The following ARHGAP15 variants were observed in gnomAD, a reference collection of about 807,000 sequenced individuals.
ARHGAP15 encodes Rho GTPase activating protein 15, also known as rho GTPase-activating protein 15.
A neutral mutation model predicts 63.7 loss-of-function variants in ARHGAP15; 51 were observed. The ratio of observed to expected loss-of-function variants is 0.80; its 90% confidence interval spans 0.64 to 1.01. ARHGAP15 has a LOEUF of 1.01. ARHGAP15 is among the 50% of genes least tolerant of loss of function. The pLI is 0.00. For synonymous variants in ARHGAP15, 191 were observed against 193.8 expected (o/e 0.99, Z 0.12); for missense variants, 560 against 564.6 (o/e 0.99, Z 0.08).
chr2:143,717,927 GT>G (rs2105455768), intron 13 of ARHGAP15, among the ~76,000 whole-genome samples: 1 of 147,530 alleles, frequency 6.8e-6, no homozygotes, highest in East Asian at 2.1e-4. Context: ...ATGGATAATT[GT>G]TAAGAACACA....
chr2:143,629,031 A>T (rs1396756988), intron 12 of ARHGAP15, among the ~76,000 whole-genome samples: 1 of 152,178 alleles, frequency 6.6e-6, no homozygotes, highest in African/African-American at 2.4e-5. Context: ...AATACTTTGC[A>T]TCTGAGGAGA....
chr2:143,466,845 C>T (rs1279162429), intron 8 of ARHGAP15, among the ~76,000 whole-genome samples: 1 of 151,948 alleles, frequency 6.6e-6, no homozygotes, highest in Non-Finnish European at 1.5e-5. Flanking sequence ...GAAACAACAC[C>T]CATTACAATT....
intron 8 of ARHGAP15, among the ~76,000 whole-genome samples, chr2:143,445,153 A>ATT (rs10671306): frequency 0.59 from 43,913 of 74,644 alleles, 14,323 homozygotes; most frequent in South Asian, 0.69. Context: ...AAGAACAATT[A>ATT]TTTTTTTTTT....
At chr2:143,141,921 GAT>G (rs1306096660) in intron 1 of ARHGAP15, among the ~76,000 whole-genome samples, 1 of 152,056 alleles carries the variant, frequency 6.6e-6, no homozygotes, top group Admixed American at 6.6e-5. Flanking sequence ...ATCTATACAA[GAT>G]AAGTGGGTAG....
chr2:143,202,087 T>C, intron 2 of ARHGAP15, 47 bp from the exon 3 acceptor site: 1 of 1,476,922 alleles, frequency 6.8e-7, no homozygotes, highest in Non-Finnish European at 9.5e-7. Context: ...TACTAAACTC[T>C]ATCAAGAAAA....
In ARHGAP15 at chr2:143,619,364, T is replaced by TTG. The variant is rs559472362; in HGVS notation, c.1004-4757_1004-4756dup. ...ACCTTGTTTGGGTACAACATTTAGG[T>TTG]TGTGTGTGTGTGTATGTGTGTGTGA... On this transcript the variant is annotated intron_variant, in intron 11 of 13. Transcript: ENST00000295095. Among the ~76,000 whole-genome samples the TTG allele has an allele frequency of 1.8e-4, 27 of 151,860 alleles. No homozygotes were observed. In the East Asian group the frequency reaches 2.1e-3, roughly 12 times the overall value.
rs1040785684 is a variant in ARHGAP15, at chr2:143,326,022, G to A, written c.474+75422G>A. On this transcript the variant is annotated intron_variant, in intron 6 of 13. Transcript: ENST00000295095. ...GTAAATTATAGGGTCTCAGTTGAAA[G>A]GCTAATTTTATTATTTGCTGTATTT... 2.0e-5 allele frequency among the ~76,000 whole-genome samples: 3 copies of A among 152,032 alleles called. No homozygotes were observed. In the East Asian group the frequency reaches 5.8e-4, roughly 29 times the overall value.
intron 6 of ARHGAP15, among the ~76,000 whole-genome samples, chr2:143,398,713 CTTTAGA>C (rs753415138): frequency 1.5e-4 from 23 of 152,052 alleles, no homozygotes; most frequent in Non-Finnish European, 2.2e-4. Context: ...TGCACTTTCA[CTTTAGA>C]TTTAAACTTC....
chr2:143,597,259 T>A (rs890856091), intron 11 of ARHGAP15, among the ~76,000 whole-genome samples: 7 of 151,924 alleles, frequency 4.6e-5, no homozygotes, highest in African/African-American at 1.7e-4. Flanking sequence ...TGCAAAATAT[T>A]ATAATAAAGA....
At chr2:143,567,363 G>C (rs1174391058) in intron 11 of ARHGAP15, among the ~76,000 whole-genome samples, 1 of 152,204 alleles carries the variant, frequency 6.6e-6, no homozygotes, top group Non-Finnish European at 1.5e-5. Flanking sequence ...GCAAAGGATA[G>C]GCTCTGATTG....
At chr2:143,741,476 TGAA>T (rs908630788) in intron 13 of ARHGAP15, among the ~76,000 whole-genome samples, 12 of 152,268 alleles carry the variant, frequency 7.9e-5, no homozygotes, top group Admixed American at 5.2e-4. Flanking sequence ...TTTTTCTGAG[TGAA>T]GAAGGAAGCA....
chr2:143,231,303 T>A (rs1693431408), intron 5 of ARHGAP15, among the ~76,000 whole-genome samples: 1 of 152,090 alleles, frequency 6.6e-6, no homozygotes, highest in East Asian at 1.9e-4. Flanking sequence ...ATAGAGAGTA[T>A]AATTATATTA....
intron 8 of ARHGAP15, among the ~76,000 whole-genome samples, chr2:143,448,176 C>G (rs1213299396): frequency 4.6e-5 from 7 of 152,016 alleles, no homozygotes. Context: ...TTGAAGAGCA[C>G]AATAGATTGG....
At chr2:143,594,437 C>T (rs1439623539) in intron 11 of ARHGAP15, among the ~76,000 whole-genome samples, 1 of 152,066 alleles carries the variant, frequency 6.6e-6, no homozygotes, top group African/African-American at 2.4e-5. Context: ...ACGGTGTGCT[C>T]GGCCTATTTG....
chr2:143,751,278 C>T (rs556373003), intron 13 of ARHGAP15, among the ~76,000 whole-genome samples: 7 of 152,266 alleles, frequency 4.6e-5, no homozygotes, highest in East Asian at 1.9e-4. Flanking sequence ...AGTCATTGGC[C>T]GTGGGCTGTC....
At chr2:143,388,361 A>G (rs1687389240) in intron 6 of ARHGAP15, among the ~76,000 whole-genome samples, 1 of 152,286 alleles carries the variant, frequency 6.6e-6, no homozygotes, top group African/African-American at 2.4e-5. Context: ...CTGCAAAAGA[A>G]ATCTTAAAAA....
At chr2:143,209,683 G>C (rs1013276777) in intron 3 of ARHGAP15, among the ~76,000 whole-genome samples, 1 of 151,804 alleles carries the variant, frequency 6.6e-6, no homozygotes, top group African/African-American at 2.4e-5. Flanking sequence ...AGAACTGGAA[G>C]AAGAATGTTG....
At position 143,519,117 on chromosome 2, in the gene ARHGAP15, T is replaced by C. The variant is rs1693947772; in HGVS notation, c.827-149T>C. The C allele has an allele frequency of 5.7e-6, 3 of 528,042 alleles. No homozygotes were observed. The South Asian group carries it at 6.1e-5, about 11-fold the overall frequency. The allele number at this position is 528,042 out of a possible 1,614,324, so 32.7% of individuals were successfully genotyped here. On this transcript the variant is annotated intron_variant, in intron 9 of 13. Coordinates refer to ENST00000295095, the MANE Select transcript of ARHGAP15 (RefSeq NM_018460.4). ...CAAGGAGGGAGTTGTGGTCTTCATA[T>C]GTCTGCCATAGACACTATGGAAATA...
chr2:143,665,633 T>C lies in ARHGAP15; in HGVS notation c.1139-37786T>C, dbSNP rs1682124081. ...GGAAAAGAGGAAGTCAAATTGTCCCTGTTTGCAGACGACATGATTGTATAT... is the reference window on the plus strand; with the variant it reads ...GGAAAAGAGGAAGTCAAATTGTCCCCGTTTGCAGACGACATGATTGTATAT... On this transcript the variant is annotated intron_variant, in intron 12 of 13. Coordinates refer to ENST00000295095, the MANE Select transcript of ARHGAP15 (RefSeq NM_018460.4). 1.1e-4 allele frequency among the ~76,000 whole-genome samples: 11 copies of C among 97,844 alleles called. No homozygotes were observed. The South Asian group carries it at 4.5e-3, about 40-fold the overall frequency. 64.2% of individuals were successfully genotyped at this position (97,844 alleles called of 152,430 possible).
Sources: gnomAD v4.1 joint callset for allele counts (sites outside exome capture counted in the v4.1 genomes callset) on GRCh38, gnomAD v4.1.1 for gene constraint, MANE v1.5 for transcripts, NCBI Gene and HGNC (gene_info 2026-07-23, HGNC 2026-07-21) for gene names.